Variants in NFATC3 observed in about 807,000 individuals in gnomAD.
NFATC3 encodes nuclear factor of activated T-cells, cytoplasmic 3.
In NFATC3, 46 loss-of-function variants were observed where a neutral mutation model predicts 98.6. The ratio of observed to expected loss-of-function variants is 0.47; its 90% confidence interval spans 0.37 to 0.60. The LOEUF (loss-of-function observed/expected upper bound fraction) is 0.60. NFATC3 is among the 20% of genes least tolerant of loss of function. NFATC3 has a pLI of 0.00. For missense variants in NFATC3, 1,256 were observed against 1,295.5 expected (o/e 0.97, Z 0.47); for synonymous variants, 512 against 472.2 (o/e 1.08, Z -1.09).
Position 68,129,265 on chromosome 16 carries a change from A to G in NFATC3, c.1401+2655A>G, listed in dbSNP as rs117922739. Among the ~76,000 whole-genome samples the G allele has an allele frequency of 6.4e-3, 975 of 152,298 alleles. 6 individuals carry two copies. Among genetic ancestry groups the G allele is most frequent in the Non-Finnish European group, 9.4e-3 (638 of 68,016 alleles). ...GGGTGACAGAGCAAGGCACTTCTCA[A>G]AAACAAAGACAAAACAGCTGAGTCT... On this transcript the variant is annotated intron_variant, in intron 3 of 9. Transcript: ENST00000346183.
rs143052105 is a variant in NFATC3, at chr16:68,146,432, T to A, written c.1402-11437T>A. Among the ~76,000 whole-genome samples, 783 of 152,178 alleles carry A rather than the reference T, an allele frequency of 5.1e-3. 8 individuals carry two copies. The highest frequency in any genetic ancestry group is 0.017 in the African/African-American group (700 of 41,518). On this transcript the variant is annotated intron_variant, in intron 3 of 9. Transcript: ENST00000346183. ...AAAGAAAAAAAAAAAGGATTTTTTT[T>A]AAAAAGCTTATATATTATACAGTGG... is the stretch of plus-strand genomic sequence containing the variant.
chr16:68,203,082 T>C (rs1367712510), intron 9 of NFATC3, among the ~76,000 whole-genome samples: 2 of 152,144 alleles, frequency 1.3e-5, no homozygotes, highest in African/African-American at 2.4e-5. Flanking sequence ...ATAATGCCTA[T>C]GTAGGCTTTA....
chr16:68,134,422 C>G (rs943356683), intron 3 of NFATC3, among the ~76,000 whole-genome samples: 4 of 151,764 alleles, frequency 2.6e-5, no homozygotes, highest in Non-Finnish European at 5.9e-5. Flanking sequence ...CTCTTGGCTT[C>G]AAGTGATTGA....
chr16:68,149,072 A>G (rs2038184696), intron 3 of NFATC3, among the ~76,000 whole-genome samples: 1 of 152,088 alleles, frequency 6.6e-6, no homozygotes, highest in South Asian at 2.1e-4. Flanking sequence ...GGTACAGCCT[A>G]GTGATAATGC....
chr16:68,225,692 G>A (rs2042016170), intron 9 of NFATC3: 2 of 152,322 alleles, frequency 1.3e-5, no homozygotes, highest in African/African-American at 4.8e-5. Context: ...AGACTCTTTA[G>A]TTGATAAGGC....
intron 1 of NFATC3, among the ~76,000 whole-genome samples, chr16:68,103,054 G>C (rs1219873687): frequency 4.6e-5 from 7 of 151,598 alleles, no homozygotes; most frequent in African/African-American, 1.5e-4. Flanking sequence ...TAATTCAGCT[G>C]TTTGACTTTT....
intron 3 of NFATC3, among the ~76,000 whole-genome samples, chr16:68,133,685 C>G (rs544881159): frequency 6.6e-6 from 1 of 152,140 alleles, no homozygotes; most frequent in Non-Finnish European, 1.5e-5. Context: ...AATGGATGTC[C>G]TGCTTTGTAT....
intron 1 of NFATC3, among the ~76,000 whole-genome samples, chr16:68,087,258 T>C (rs1413325907): frequency 6.6e-6 from 1 of 152,228 alleles, no homozygotes; most frequent in Non-Finnish European, 1.5e-5. Flanking sequence ...TATACAAATA[T>C]ATGATCGATA....
chr16:68,108,711 A>T (rs961535985), intron 1 of NFATC3, among the ~76,000 whole-genome samples: 1 of 152,188 alleles, frequency 6.6e-6, no homozygotes, highest in Non-Finnish European at 1.5e-5. Context: ...ATCCATGAGC[A>T]TGGAATGTTT....
intron 1 of NFATC3, among the ~76,000 whole-genome samples, chr16:68,118,486 A>G (rs2036405607): frequency 6.6e-6 from 1 of 152,136 alleles, no homozygotes; most frequent in African/African-American, 2.4e-5. Context: ...GGGATGCTGC[A>G]TTCTTTTGGT....
intron 6 of NFATC3, among the ~76,000 whole-genome samples, chr16:68,181,191 G>A (rs892380730): frequency 6.6e-6 from 1 of 152,018 alleles, no homozygotes. Flanking sequence ...TTTAATGATC[G>A]CCATTCTAAC....
intron 9 of NFATC3, among the ~76,000 whole-genome samples, chr16:68,205,776 G>A (rs2041121449): frequency 6.6e-6 from 1 of 151,978 alleles, no homozygotes; most frequent in Non-Finnish European, 1.5e-5. Flanking sequence ...ATGTAATATA[G>A]AATCTTGAGA....
intron 3 of NFATC3, chr16:68,138,744 ACT>A (rs1241236277): frequency 7.8e-7 from 1 of 1,288,654 alleles, no homozygotes; most frequent in South Asian, 1.2e-5. Context: ...CCTCATCAAA[ACT>A]CTGTATTCTG....
At chr16:68,143,609 G>A (rs1490108902) in intron 3 of NFATC3, among the ~76,000 whole-genome samples, 1 of 152,182 alleles carries the variant, frequency 6.6e-6, no homozygotes, top group Non-Finnish European at 1.5e-5. Context: ...AGCATTCTGG[G>A]AGACTGAGGC....
At chr16:68,098,890 A>G (rs1418887550) in intron 1 of NFATC3, among the ~76,000 whole-genome samples, 1 of 152,210 alleles carries the variant, frequency 6.6e-6, no homozygotes, top group African/African-American at 2.4e-5. Context: ...TTTTGAAATA[A>G]TTAATAGATC....
In NFATC3 at chr16:68,122,570, T is replaced by C. The variant is rs373417732; in HGVS notation, c.687T>C (p.Tyr229=). ...GAGAAGAAACTTGGCATCAACAGTATGGACTTGGACACTCATTATCACCCA... is the reference window on the plus strand; with the variant it reads ...GAGAAGAAACTTGGCATCAACAGTACGGACTTGGACACTCATTATCACCCA... ...CPGEETWHQQ[Y]GLGHSLSPRQ... The change falls in exon 2 of 10, where the codon TAT becomes TAC. Residue 229 remains tyrosine (Y), a synonymous_variant. Transcript: ENST00000346183. 24 of 1,613,982 alleles carry C rather than the reference T, an allele frequency of 1.5e-5. No homozygotes were observed. The highest frequency in any genetic ancestry group is 1.9e-5 in the Non-Finnish European group (23 of 1,180,006).
chr16:68,125,889 T>TA (rs1467292634), intron 2 of NFATC3, among the ~76,000 whole-genome samples: 1 of 151,870 alleles, frequency 6.6e-6, no homozygotes, highest in East Asian at 1.9e-4. Context: ...TTTATTTTAT[T>TA]TTATTATTAT....
chr16:68,116,396 T>C (rs2151491230), intron 1 of NFATC3, among the ~76,000 whole-genome samples: 1 of 152,164 alleles, frequency 6.6e-6, no homozygotes, highest in African/African-American at 2.4e-5. Context: ...ATAAGACAAC[T>C]TGGGTTGTCC....
intron 3 of NFATC3, among the ~76,000 whole-genome samples, chr16:68,127,825 G>A (rs936990350): frequency 6.6e-6 from 1 of 151,966 alleles, no homozygotes; most frequent in African/African-American, 2.4e-5. Context: ...TAAAGTAATT[G>A]TCTGTCTTAA....
Sources: gnomAD v4.1 joint callset for allele counts (sites outside exome capture counted in the v4.1 genomes callset) on GRCh38, gnomAD v4.1.1 for gene constraint, MANE v1.5 for transcripts, NCBI Gene and HGNC (gene_info 2026-07-23, HGNC 2026-07-21) for gene names.